PCSK9: variants seen among roughly 807,000 people sequenced by gnomAD.
PCSK9 encodes the protein proprotein convertase subtilisin/kexin type 9, also known as convertase subtilisin/kexin type 9 preproprotein.
In PCSK9, 57 loss-of-function variants were observed where a neutral mutation model predicts 62.1. The observed-to-expected ratio is 0.92, with a 90% CI of 0.74 to 1.14. The LOEUF is 1.14. Among genes scored for constraint, PCSK9 ranks in the 50% most tolerant of loss-of-function variants. The probability of loss-of-function intolerance (pLI) is 0.00; values close to 1 mark genes in which losing one functional copy is unlikely to be tolerated. For synonymous variants in PCSK9, 387 were observed against 409.4 expected (o/e 0.95, Z 0.66); for missense variants, 870 against 959.8 (o/e 0.91, Z 1.24).
In PCSK9 at chr1:55,052,493, G is replaced by A. The variant is rs625619; in HGVS notation, c.657+82G>A. On this transcript the variant is annotated intron_variant, in intron 4 of 11. Transcript: ENST00000302118. ...TGGGTGGGGACTGCCACCCCAGAGC[G>A]TTGCAGCTGTACTCCTGGGTTGCAC... 0.57 allele frequency: 910,625 copies of A among 1,607,646 alleles called. 262,931 individuals are homozygous for A. The highest frequency in any genetic ancestry group is 0.76 in the East Asian group (34,200 of 44,718).
intron 6 of PCSK9, among the ~76,000 whole-genome samples, chr1:55,056,737 C>T (rs1644718132): frequency 6.6e-6 from 1 of 152,192 alleles, no homozygotes; most frequent in Non-Finnish European, 1.5e-5. Flanking sequence ...AGCCTCGGCC[C>T]TGAGGAGCTG....
In PCSK9 at chr1:55,057,527, C is replaced by T; in HGVS notation, c.1180+13C>T. On this transcript the variant is annotated intron_variant, in intron 7 of 11. Coordinates refer to ENST00000302118, the MANE Select transcript of PCSK9 (RefSeq NM_174936.4). ...GCCCACGTGGCTGGTAAGTCACCAC[C>T]CCACTGCCTCGGCCACCGTGATGCT... 6.2e-7 allele frequency: 1 copy of T among 1,603,138 alleles called. No homozygotes were observed. Among genetic ancestry groups the T allele is most frequent in the Non-Finnish European group, 8.5e-7 (1 of 1,175,636 alleles).
Position 55,039,616 on chromosome 1 carries a change from G to C in PCSK9, c.-222G>C. 5 of 616,008 alleles carry C rather than the reference G, an allele frequency of 8.1e-6. No individual in the cohort carries two copies. The highest frequency in any genetic ancestry group is 1.4e-5 in the Non-Finnish European group (5 of 352,090). 38.2% of individuals were successfully genotyped at this position (616,008 alleles called of 1,614,324 possible). A position where few individuals can be genotyped will look rare whatever the true frequency, so the allele number is the denominator to read the frequency against. On this transcript the variant is annotated 5_prime_UTR_variant, in exon 1 of 12. Coordinates refer to ENST00000302118, the MANE Select transcript of PCSK9 (RefSeq NM_174936.4). Reference sequence around the variant, plus strand: ...CAGTTCAGGGTCTGAGCCTGGAGGAGTGAGCCAGGCAGTGAGACTGGCTCG... The same window carrying C: ...CAGTTCAGGGTCTGAGCCTGGAGGACTGAGCCAGGCAGTGAGACTGGCTCG...
intron 2 of PCSK9, among the ~76,000 whole-genome samples, chr1:55,045,129 T>G (rs1156404925): frequency 6.8e-6 from 1 of 148,022 alleles, no homozygotes; most frequent in African/African-American, 2.5e-5. Flanking sequence ...GTGCTCAGCC[T>G]TGGGGAGAGA....
intron 7 of PCSK9, 137 bp downstream of exon 7, chr1:55,057,651 G>C (rs1644725479): frequency 9.0e-7 from 1 of 1,116,350 alleles, no homozygotes; most frequent in South Asian, 1.3e-5. Context: ...TGCCTTCAAG[G>C]ACACTCAGTC....
intron 1 of PCSK9, among the ~76,000 whole-genome samples, chr1:55,042,855 C>T (rs185905805): frequency 3.2e-4 from 49 of 152,328 alleles, no homozygotes; most frequent in Non-Finnish European, 3.4e-4. Flanking sequence ...GTGTTTGGGT[C>T]ATGGGGGAGG....
chr1:55,061,370 C>T lies in PCSK9; in HGVS notation c.1682-5C>T. 1 of 1,604,812 alleles carries T rather than the reference C, an allele frequency of 6.2e-7. No individual in the cohort carries two copies. Among genetic ancestry groups the T allele is most frequent in the Non-Finnish European group, 8.5e-7 (1 of 1,177,064 alleles). ...CACATCTGAGCTGGCTTTCCTCTGC[C>T]CCAGGCTGCAGCTCCCACTGGGAGG... On this transcript the variant is annotated splice_polypyrimidine_tract_variant and splice_region_variant and intron_variant, in intron 10 of 11. Transcript: ENST00000302118.
intron 3 of PCSK9, among the ~76,000 whole-genome samples, chr1:55,048,169 C>T (rs1266857969): frequency 5.9e-5 from 9 of 152,186 alleles, no homozygotes; most frequent in Admixed American, 5.9e-4. Flanking sequence ...CTTCTCTTGC[C>T]TCTTCCGTGT....
At chr1:55,052,103 G>A in intron 3 of PCSK9, 175 bp from the exon 4 acceptor site, 2 of 909,804 alleles carry the variant, frequency 2.2e-6, no homozygotes, top group South Asian at 2.9e-5. Flanking sequence ...CCTTGTCTAT[G>A]AAATACATTA....
Position 55,063,773 on chromosome 1 carries a change from T to A in PCSK9, c.*189T>A. 1 of 674,312 alleles carries A rather than the reference T, an allele frequency of 1.5e-6. No individual in the cohort carries two copies. Among genetic ancestry groups the A allele is most frequent in the Non-Finnish European group, 2.5e-6 (1 of 406,624 alleles). 41.8% of individuals were successfully genotyped at this position (674,312 alleles called of 1,614,324 possible). Reference sequence around the variant, plus strand: ...CTCCTTGCCTGGAACTCACTCACTCTGGGTGCCTCCTCCCCAGGTGGAGGT... The same window carrying A: ...CTCCTTGCCTGGAACTCACTCACTCAGGGTGCCTCCTCCCCAGGTGGAGGT... On this transcript the variant is annotated 3_prime_UTR_variant, in exon 12 of 12. Coordinates refer to ENST00000302118, the MANE Select transcript of PCSK9 (RefSeq NM_174936.4).
chr1:55,061,653 T>A, intron 11 of PCSK9, 97 bp downstream of exon 11: 1 of 1,450,510 alleles, frequency 6.9e-7, no homozygotes, highest in Non-Finnish European at 9.5e-7. Context: ...CCGCCATGCA[T>A]CAGGGTGGCG....
intron 1 of PCSK9, among the ~76,000 whole-genome samples, chr1:55,041,503 C>T (rs1407669446): frequency 6.6e-6 from 1 of 152,162 alleles, no homozygotes; most frequent in African/African-American, 2.4e-5. Flanking sequence ...GCTGTATGAC[C>T]ACCTGAACCA....
intron 10 of PCSK9, among the ~76,000 whole-genome samples, chr1:55,060,982 G>GGA (rs1311734082): frequency 1.3e-5 from 2 of 152,206 alleles, no homozygotes; most frequent in African/African-American, 2.4e-5. Flanking sequence ...AGCCCATGGA[G>GGA]GGCATTCTGA....
intron 5 of PCSK9, among the ~76,000 whole-genome samples, chr1:55,055,640 G>C (rs472495): frequency 6.6e-6 from 1 of 151,894 alleles, no homozygotes; most frequent in Admixed American, 6.5e-5. Context: ...GGGCAGGCCA[G>C]GCAGGCTGGC....
Position 55,059,500 on chromosome 1 carries a change from G to T in PCSK9, c.1518G>T (p.Lys506Asn), listed in dbSNP as rs903946804. Residue 506 changes from lysine (K) to asparagine (N), a missense_variant, in exon 10 of 12, where the codon AAG becomes AAT. By Grantham distance (94) the Lys-to-Asn change is moderately conservative (BLOSUM62 0). Transcript: ENST00000302118. The part of the protein sequence containing the change: ...RGERMEAQGG[K>N]LVCRAHNAFG... ...TTGACTCTAAGGCCCAAGGGGGCAA[G>T]CTGGTCTGCCGGGCCCACAACGCTT... 1 of 1,565,524 alleles carries T rather than the reference G, an allele frequency of 6.4e-7. No homozygotes were observed. Among genetic ancestry groups the T allele is most frequent in the Non-Finnish European group, 8.7e-7 (1 of 1,153,910 alleles).
chr1:55,057,492 A>C lies in PCSK9; in HGVS notation c.1158A>C (p.Ser386=), dbSNP rs2100320993. The C allele has an allele frequency of 6.2e-7, 1 of 1,612,964 alleles. No homozygotes were observed. Reference sequence around the variant, plus strand: ...GCTTTGTGTCACAGAGTGGGACATCACAGGCTGCTGCCCACGTGGCTGGTA... The same window carrying C: ...GCTTTGTGTCACAGAGTGGGACATCCCAGGCTGCTGCCCACGTGGCTGGTA... ...STCFVSQSGT[S]QAAAHVAGIA... is the part of the protein sequence containing the mutation. The change falls in exon 7 of 12, where the codon TCA becomes TCC. Residue 386 remains serine, a synonymous_variant. Transcript: ENST00000302118.
chr1:55,061,233 A>G lies in PCSK9; in HGVS notation c.1682-142A>G, dbSNP rs1570309916. On this transcript the variant is annotated intron_variant, in intron 10 of 11. Transcript: ENST00000302118. ...ACACAGGAGTCCTGGTGCTCAGGCC[A>G]GCATCTCTTTTTTTCTTTGAGTTGT... 1.3e-5 allele frequency: 12 copies of G among 945,386 alleles called. No individual in the cohort carries two copies. In the East Asian group the frequency reaches 2.9e-4, roughly 23 times the overall value. 58.6% of individuals were successfully genotyped at this position (945,386 alleles called of 1,614,324 possible). A position where few individuals can be genotyped will look rare whatever the true frequency, so the allele number is the denominator to read the frequency against.
rs1386275401 is a variant in PCSK9, at chr1:55,059,536, G to A, written c.1554G>A (p.Glu518=). The change falls in exon 10 of 12, where the codon GAG becomes GAA. Residue 518 remains glutamate (E), a synonymous_variant. Transcript: ENST00000302118. ...VCRAHNAFGG[E]GVYAIARCCL... Reference sequence around the variant, plus strand: ...GGGCCCACAACGCTTTTGGGGGTGAGGGTGTCTACGCCATTGCCAGGTGCT... The same window carrying A: ...GGGCCCACAACGCTTTTGGGGGTGAAGGTGTCTACGCCATTGCCAGGTGCT... 2 of 1,562,778 alleles carry A rather than the reference G, an allele frequency of 1.3e-6. No homozygotes were observed. The highest frequency in any genetic ancestry group is 1.7e-6 in the Non-Finnish European group (2 of 1,152,364).
chr1:55,059,941 C>T (rs965375551), intron 10 of PCSK9, among the ~76,000 whole-genome samples: 4 of 152,218 alleles, frequency 2.6e-5, no homozygotes, highest in Non-Finnish European at 4.4e-5. Context: ...CCTGGAGTAT[C>T]GCAGGTGCTT....
Sources: allele counts gnomAD v4.1 joint callset (sites outside exome capture counted in the v4.1 genomes callset), GRCh38; gene constraint gnomAD v4.1.1; transcripts MANE v1.5; gene names NCBI Gene and HGNC (gene_info 2026-07-23, HGNC 2026-07-21).